Variants in KIDINS220 observed in about 807,000 individuals in gnomAD.
The protein encoded by KIDINS220 is kinase D interacting substrate 220.
Under a neutral mutation model 157.6 loss-of-function variants are expected in KIDINS220, and 63 were observed. That is an observed-to-expected ratio of 0.40 (90% CI 0.33 to 0.49). The LOEUF (loss-of-function observed/expected upper bound fraction) is 0.49, where lower values mean the gene tolerates loss of function less well. Among genes scored for constraint, KIDINS220 ranks in the 20% least tolerant of loss-of-function variants. KIDINS220 has a pLI of 0.66. For missense variants in KIDINS220, 1,772 were observed against 2,171.2 expected (o/e 0.82, Z 3.65); for synonymous variants, 732 against 783.6 (o/e 0.93, Z 1.10).
At chr2:8,821,632 C>T (rs1249392794) in intron 2 of KIDINS220, among the ~76,000 whole-genome samples, 1 of 152,138 alleles carries the variant, frequency 6.6e-6, no homozygotes, top group Non-Finnish European at 1.5e-5. Context: ...AAAAACAAAA[C>T]CTTAATTTAT....
chr2:8,817,441 A>G lies in KIDINS220; in HGVS notation c.306+177T>C, dbSNP rs573453890. ...AAATGATGACTAAGAATATTCTAAG[A>G]GGTATATTACAACACCTGGGTTTTA... On this transcript the variant is annotated intron_variant, in intron 4 of 29. Transcript: ENST00000256707. Among the ~76,000 whole-genome samples the G allele has an allele frequency of 1.1e-4, 17 of 152,320 alleles. No homozygotes were observed. The Middle Eastern group carries it at 0.01, about 91-fold the overall frequency.
At chr2:8,765,310 A>G (rs559973385) in intron 22 of KIDINS220, among the ~76,000 whole-genome samples, 1 of 151,984 alleles carries the variant, frequency 6.6e-6, no homozygotes, top group African/African-American at 2.4e-5. Context: ...TCTAAAAGCA[A>G]CTCATTAGTT....
chr2:8,836,124 T>C (rs893088364), intron 1 of KIDINS220, among the ~76,000 whole-genome samples: 5 of 151,872 alleles, frequency 3.3e-5, no homozygotes, highest in East Asian at 1.9e-4. Context: ...GATAAAACTA[T>C]GTGACTGGTT....
chr2:8,810,497 C>T (rs143841396), intron 6 of KIDINS220, among the ~76,000 whole-genome samples: 4 of 152,272 alleles, frequency 2.6e-5, no homozygotes, highest in African/African-American at 9.6e-5. Flanking sequence ...AATTAAATTA[C>T]ATCACAGGCT....
At chr2:8,767,607 AAG>A (rs1355393776) in intron 22 of KIDINS220, among the ~76,000 whole-genome samples, 1 of 152,078 alleles carries the variant, frequency 6.6e-6, no homozygotes, top group African/African-American at 2.4e-5. Context: ...GATGGCGGGG[AAG>A]AGAGGGAAGG....
At chr2:8,747,365 T>C (rs988088976) in intron 25 of KIDINS220, 164 bp from the exon 26 acceptor site, 3 of 612,422 alleles carry the variant, frequency 4.9e-6, no homozygotes, top group Non-Finnish European at 5.8e-6. Flanking sequence ...GTTTCTTTTT[T>C]TAAACTATTA....
intron 14 of KIDINS220, among the ~76,000 whole-genome samples, chr2:8,789,526 G>C (rs1046506389): frequency 6.6e-6 from 1 of 152,070 alleles, no homozygotes; most frequent in African/African-American, 2.4e-5. Flanking sequence ...CTGACCTTAC[G>C]ATCTGCCCGC....
intron 7 of KIDINS220, 113 bp from the exon 8 acceptor site, chr2:8,803,240 G>T: frequency 1.1e-6 from 1 of 884,694 alleles, no homozygotes; most frequent in Non-Finnish European, 1.7e-6. Context: ...CAAATAGGTG[G>T]CCTATTATTG....
downstream of KIDINS220, among the ~76,000 whole-genome samples, chr2:8,728,506 A>G (rs1438075748): frequency 6.6e-6 from 1 of 152,264 alleles, no homozygotes; most frequent in Non-Finnish European, 1.5e-5. Context: ...ACACACACAT[A>G]GACGCACAGG....
chr2:8,729,845 A>G lies in KIDINS220; in HGVS notation c.*875T>C. 5.1e-6 allele frequency: 5 copies of G among 983,236 alleles called. No homozygotes were observed. Among genetic ancestry groups the G allele is most frequent in the South Asian group, 9.4e-5 (2 of 21,238 alleles). 60.9% of individuals were successfully genotyped at this position (983,236 alleles called of 1,614,324 possible). Reference sequence around the variant, plus strand: ...CATCTATAAATATTTATTAGTACCTATTATTACCCATGTCTCCCTGATTTT... The same window carrying G: ...CATCTATAAATATTTATTAGTACCTGTTATTACCCATGTCTCCCTGATTTT... On this transcript the variant is annotated 3_prime_UTR_variant, in exon 30 of 30. Transcript: ENST00000256707.
chr2:8,811,328 A>G (rs1177033695), intron 6 of KIDINS220, among the ~76,000 whole-genome samples: 3 of 151,902 alleles, frequency 2.0e-5, no homozygotes, highest in Admixed American at 2.0e-4. Context: ...CCTTATCTTC[A>G]TGAAACTTAC....
In KIDINS220 at chr2:8,729,519, G is replaced by T. The variant is rs1467290949; in HGVS notation, c.*1201C>A. The T allele has an allele frequency of 2.0e-6, 2 of 983,518 alleles. No individual in the cohort carries two copies. The highest frequency in any genetic ancestry group is 3.5e-5 in the African/African-American group (2 of 57,190). The allele number at this position is 983,518 out of a possible 1,614,324, so 60.9% of individuals were successfully genotyped here. A position where few individuals can be genotyped will look rare whatever the true frequency, so the allele number is the denominator to read the frequency against. ...TCTAGTCCACACAGTACTTCAATGTGACCATTCTCTTAACTCGGCTAATAA... is the reference window on the plus strand; with the variant it reads ...TCTAGTCCACACAGTACTTCAATGTTACCATTCTCTTAACTCGGCTAATAA... On this transcript the variant is annotated 3_prime_UTR_variant, in exon 30 of 30. Transcript: ENST00000256707.
In KIDINS220 at chr2:8,779,855, T is replaced by C. The variant is rs779833305; in HGVS notation, c.2230-41A>G. ...AGGTATAGAAAGCACTGAAGGAAGA[T>C]CCAAGAAGCTTAAACATATTTCTTA... On this transcript the variant is annotated intron_variant, in intron 17 of 29. Transcript: ENST00000256707. 26 of 1,599,896 alleles carry C rather than the reference T, an allele frequency of 1.6e-5. No individual in the cohort carries two copies. The South Asian group carries it at 2.5e-4, about 16-fold the overall frequency.
chr2:8,724,039 C>T (rs565488712), downstream of KIDINS220: 1 of 152,510 alleles, frequency 6.6e-6, no homozygotes, highest in African/African-American at 2.4e-5. The surrounding 1 kb of genome is among the most constrained non-coding windows in gnomAD (Gnocchi z 4.6). Flanking sequence ...GCCTCAGCCT[C>T]CCCAAGTAGC....
intron 22 of KIDINS220, among the ~76,000 whole-genome samples, chr2:8,755,125 T>C (rs1214035952): frequency 6.6e-6 from 1 of 151,936 alleles, no homozygotes; most frequent in Non-Finnish European, 1.5e-5. Context: ...AAAGAAAAAA[T>C]GGAGTCCATT....
chr2:8,727,255 T>C, downstream of KIDINS220: 1 of 1,075,416 alleles, frequency 9.3e-7, no homozygotes, highest in Non-Finnish European at 1.1e-6. Context: ...TTCCGCCCAG[T>C]GTCGGCGTGC....
intron 22 of KIDINS220, among the ~76,000 whole-genome samples, chr2:8,753,161 G>A (rs184894291): frequency 3.9e-5 from 6 of 152,040 alleles, no homozygotes; most frequent in Non-Finnish European, 7.4e-5. Context: ...CAAATCAAAT[G>A]TCCACTAACA....
intron 26 of KIDINS220, 53 bp downstream of exon 26, chr2:8,747,092 G>A: frequency 2.0e-6 from 3 of 1,492,356 alleles, no homozygotes; most frequent in South Asian, 1.1e-5. Context: ...AGTCATTACT[G>A]AGGCAGAAGC....
downstream of KIDINS220, among the ~76,000 whole-genome samples, chr2:8,726,515 C>T (rs1663331230): frequency 6.6e-6 from 1 of 152,196 alleles, no homozygotes; most frequent in Non-Finnish European, 1.5e-5. Flanking sequence ...CTTTTTTGAA[C>T]AGCTGGCTTA....
Sources: allele counts gnomAD v4.1 joint callset (sites outside exome capture counted in the v4.1 genomes callset), GRCh38; gene constraint gnomAD v4.1.1; non-coding constraint Gnocchi (gnomAD v3.1); transcripts MANE v1.5; gene names NCBI Gene and HGNC (gene_info 2026-07-23, HGNC 2026-07-21).